The following SPINK5 variants were observed in gnomAD, a reference collection of about 807,000 sequenced individuals.
SPINK5 encodes the protein serine protease inhibitor Kazal-type 5.
In SPINK5, 125 loss-of-function variants were observed where a neutral mutation model predicts 151.8. The ratio of observed to expected loss-of-function variants is 0.82; its 90% CI spans 0.71 to 0.96. The LOEUF (loss-of-function observed/expected upper bound fraction) is 0.96. Among genes scored for constraint, SPINK5 ranks in the 40% least tolerant of loss-of-function variants. SPINK5 has a pLI of 0.00. For synonymous variants in SPINK5, 374 were observed against 395.3 expected (o/e 0.95, Z 0.64); for missense variants, 1,194 against 1,291.9 (o/e 0.92, Z 1.16).
At chr5:148,106,738 G>T (rs1022502849) in intron 16 of SPINK5, among the ~76,000 whole-genome samples, 2 of 152,058 alleles carry the variant, frequency 1.3e-5, no homozygotes, top group Non-Finnish European at 2.9e-5. Flanking sequence ...CTCCAGGAAG[G>T]CTTCTCATCT....
intron 15 of SPINK5, among the ~76,000 whole-genome samples, chr5:148,103,157 A>G (rs1753693394): frequency 6.6e-6 from 1 of 152,218 alleles, no homozygotes; most frequent in Admixed American, 6.5e-5. Flanking sequence ...GATCATGACC[A>G]TATAATTATC....
chr5:148,136,954 G>A (rs1256482888), intron 32 of SPINK5, 29 bp from the exon 33 acceptor site: 1 of 1,613,580 alleles, frequency 6.2e-7, no homozygotes, highest in Non-Finnish European at 8.5e-7. Flanking sequence ...CTGGGTTCTA[G>A]CATCTAACCT....
rs1460335907 is a variant in SPINK5, at chr5:148,091,212, G to A, written c.650G>A (p.Arg217Gln). The change falls in exon 8 of 33, where the codon CGA (arginine) becomes CAA (glutamine). Residue 217 changes from arginine to glutamine, a missense_variant. Physicochemically the swap from Arg to Gln is conservative, Grantham distance 43. Coordinates refer to ENST00000256084, the MANE Select transcript of SPINK5 (RefSeq NM_006846.4). ...NAKREGETRIRRNAEKDFCKE... is the reference protein window; with the variant it reads ...NAKREGETRIQRNAEKDFCKE... The stretch of plus-strand genomic sequence containing the variant: ...AAGCGAGAGGGTGAAACTAGAATTC[G>A]ACGAAATGCTGAAAAGGTAAAATGA... 2.5e-6 allele frequency: 4 copies of A among 1,611,286 alleles called. No individual in the cohort carries two copies. Among genetic ancestry groups the A allele is most frequent in the East Asian group, 2.2e-5 (1 of 44,576 alleles).
intron 4 of SPINK5, among the ~76,000 whole-genome samples, chr5:148,081,317 T>C (rs1018330691): frequency 7.3e-5 from 11 of 151,718 alleles, no homozygotes; most frequent in African/African-American, 2.7e-4. Flanking sequence ...CATGTGAATA[T>C]TTATAGCAAC....
rs1020816883 is a variant in SPINK5, at chr5:148,109,510, A to G, written c.1692+673A>G. ...ACTGATATATTATTTACTATATATTAACATAAATATTATATGATACAAATA... is the reference window on the plus strand; with the variant it reads ...ACTGATATATTATTTACTATATATTGACATAAATATTATATGATACAAATA... On this transcript the variant is annotated intron_variant, in intron 18 of 32. Coordinates refer to ENST00000256084, the MANE Select transcript of SPINK5 (RefSeq NM_006846.4). Among the ~76,000 whole-genome samples the G allele has an allele frequency of 5.3e-5, 8 of 150,020 alleles. No homozygotes were observed. The Admixed American group carries it at 5.3e-4, about 10-fold the overall frequency.
At chr5:148,105,989 G>C (rs1753773553) in intron 16 of SPINK5, among the ~76,000 whole-genome samples, 1 of 151,672 alleles carries the variant, frequency 6.6e-6, no homozygotes, top group South Asian at 2.1e-4. Flanking sequence ...GGGAAAAGTT[G>C]ACACAGTTTA....
intron 18 of SPINK5, 57 bp from the exon 19 acceptor site, chr5:148,111,711 A>G: frequency 1.2e-6 from 2 of 1,612,654 alleles, no homozygotes; most frequent in Non-Finnish European, 1.7e-6. Flanking sequence ...TTGTGGAGGA[A>G]GATTTCTAGT....
chr5:148,078,500 C>G (rs534431033), intron 4 of SPINK5, among the ~76,000 whole-genome samples: 1 of 150,916 alleles, frequency 6.6e-6, no homozygotes, highest in East Asian at 2.0e-4. Context: ...TATTTTAAAG[C>G]AACAGAGGAA....
intron 18 of SPINK5, among the ~76,000 whole-genome samples, chr5:148,109,278 T>C (rs888702515): frequency 3.3e-5 from 5 of 152,118 alleles, no homozygotes; most frequent in African/African-American, 1.2e-4. Flanking sequence ...TGAGTTTGCA[T>C]TCTTTAACAT....
At chr5:148,077,450 C>A (rs1457931201) in intron 4 of SPINK5, among the ~76,000 whole-genome samples, 2 of 150,884 alleles carry the variant, frequency 1.3e-5, no homozygotes, top group East Asian at 3.9e-4. Flanking sequence ...GTTGTTAACA[C>A]AACTACCTTA....
At position 148,070,466 on chromosome 5, in the gene SPINK5, T is replaced by C. The variant is rs779710236; in HGVS notation, c.209+16T>C. 1 of 1,611,598 alleles carries C rather than the reference T, an allele frequency of 6.2e-7. No individual in the cohort carries two copies. Among genetic ancestry groups the C allele is most frequent in the South Asian group, 1.1e-5 (1 of 91,024 alleles). On this transcript the variant is annotated intron_variant, in intron 3 of 32. Coordinates refer to ENST00000256084, the MANE Select transcript of SPINK5 (RefSeq NM_006846.4). ...AAATGATACTGTGAGTAAAGGTTTC[T>C]TTCTTTCTTTCCAATGTTTGAGTTA...
intron 10 of SPINK5, among the ~76,000 whole-genome samples, chr5:148,096,719 TTTC>T (rs774588717): frequency 9.7e-5 from 12 of 123,354 alleles, no homozygotes; most frequent in East Asian, 2.4e-4. Context: ...TCTTTCTTTC[TTTC>T]TTTTTTTCTT....
chr5:148,081,120 G>T (rs1753008169), intron 4 of SPINK5, among the ~76,000 whole-genome samples: 2 of 151,546 alleles, frequency 1.3e-5, no homozygotes, highest in Admixed American at 1.3e-4. Context: ...GACAGAAAAT[G>T]CAAAATGTTA....
At position 148,065,332 on chromosome 5, in the gene SPINK5, A is replaced by G; in HGVS notation, c.56-15A>G. On this transcript the variant is annotated splice_polypyrimidine_tract_variant and intron_variant, in intron 1 of 32. Transcript: ENST00000256084. ...TTACATTTCCTTAACTTTGGTTTCT[A>G]TATTTTCATCCCAGATGCTGCCAGT... is the stretch of plus-strand genomic sequence containing the variant. The G allele has an allele frequency of 6.2e-7, 1 of 1,612,834 alleles. No homozygotes were observed. Among genetic ancestry groups the G allele is most frequent in the Non-Finnish European group, 8.5e-7 (1 of 1,179,516 alleles).
intron 18 of SPINK5, among the ~76,000 whole-genome samples, chr5:148,109,966 T>A (rs1326145634): frequency 6.6e-6 from 1 of 152,140 alleles, no homozygotes; most frequent in African/African-American, 2.4e-5. Flanking sequence ...CTGGCCACCT[T>A]TTGGTTTCTG....
intron 26 of SPINK5, among the ~76,000 whole-genome samples, chr5:148,121,992 TTGTGTGTGAGTG>T (rs1382515085): frequency 4.6e-5 from 6 of 131,496 alleles, no homozygotes; most frequent in African/African-American, 2.3e-4. Context: ...AATATTGAGA[TTGTGTGTGAGTG>T]TGTGTGTGTG....
chr5:148,064,091 T>C lies in SPINK5; in HGVS notation c.47T>C (p.Leu16Pro). The change falls in exon 1 of 33, where the codon CTC (leucine) becomes CCC (proline). Residue 16 changes from leucine to proline, a missense_variant. Coordinates refer to ENST00000256084, the MANE Select transcript of SPINK5 (RefSeq NM_006846.4). ...VSVLLPLALC[L>P]IQDAASKNED... ...GTGCTTCTGCCCTTGGCTCTTTGCC[T>C]CATACAAGGTGAGCAATTTGTGTGT... 6.2e-7 allele frequency: 1 copy of C among 1,614,142 alleles called. No individual in the cohort carries two copies. Among genetic ancestry groups the C allele is most frequent in the Non-Finnish European group, 8.5e-7 (1 of 1,180,016 alleles).
chr5:148,084,346 C>G (rs929092457), intron 4 of SPINK5, among the ~76,000 whole-genome samples: 6 of 151,822 alleles, frequency 4.0e-5, no homozygotes, highest in African/African-American at 1.5e-4. Context: ...TCCACTCCAG[C>G]TTGCTGCCAC....
intron 22 of SPINK5, among the ~76,000 whole-genome samples, chr5:148,116,722 T>C (rs971575639): frequency 6.6e-6 from 1 of 152,228 alleles, no homozygotes; most frequent in African/African-American, 2.4e-5. Flanking sequence ...TTTATGGTAA[T>C]CTAGACCTCA....
Sources: gnomAD v4.1 joint callset for allele counts (sites outside exome capture counted in the v4.1 genomes callset) on GRCh38, gnomAD v4.1.1 for gene constraint, MANE v1.5 for transcripts, NCBI Gene and HGNC (gene_info 2026-07-23, HGNC 2026-07-21) for gene names.